ADAMTSL3: variants seen among roughly 807,000 people sequenced by gnomAD.
ADAMTSL3 encodes the protein ADAMTS-like protein 3.
A neutral mutation model predicts 201.7 loss-of-function variants in ADAMTSL3; 128 were observed. The observed-to-expected ratio is 0.63, with a 90% confidence interval of 0.55 to 0.73. ADAMTSL3 has a LOEUF of 0.73. Among genes scored for constraint, ADAMTSL3 ranks in the 30% least tolerant of loss-of-function variants. The pLI is 0.00. For synonymous variants in ADAMTSL3, 738 were observed against 748.4 expected, an observed-to-expected ratio of 0.99 and a Z score of 0.23; for missense variants, 1,990 against 2,119.6, an observed-to-expected ratio of 0.94 and a Z score of 1.20.
intron 3 of ADAMTSL3, among the ~76,000 whole-genome samples, chr15:83,765,687 A>T (rs2062877953): frequency 6.6e-6 from 1 of 152,230 alleles, no homozygotes; most frequent in Non-Finnish European, 1.5e-5. Flanking sequence ...TTATATAATG[A>T]GTAAACAATA....
In ADAMTSL3 at chr15:83,817,344, A is replaced by T. The variant is rs375159222; in HGVS notation, c.364-2467A>T. On this transcript the variant is annotated intron_variant, in intron 5 of 29. Transcript: ENST00000286744. ...AAAAGCTAGATTTCTAACTTAAACC[A>T]TTCATCTAAATAAATTCCAAATATA... Among the ~76,000 whole-genome samples the T allele has an allele frequency of 5.9e-5, 9 of 152,360 alleles. No individual in the cohort carries two copies. In the East Asian group the frequency reaches 9.6e-4, roughly 16 times the overall value.
At chr15:83,911,155 C>T (rs1567231046) in intron 15 of ADAMTSL3, among the ~76,000 whole-genome samples, 1 of 152,014 alleles carries the variant, frequency 6.6e-6, no homozygotes, top group Non-Finnish European at 1.5e-5. Flanking sequence ...AAGTAAAAAC[C>T]TCCCTCTTTA....
chr15:83,744,999 C>T (rs905899557), intron 3 of ADAMTSL3, among the ~76,000 whole-genome samples: 5 of 152,212 alleles, frequency 3.3e-5, no homozygotes, highest in Admixed American at 6.5e-5. Context: ...TTTTCCTCCT[C>T]GAATGTTTGC....
At chr15:83,877,545 T>G (rs555424352) in intron 9 of ADAMTSL3, among the ~76,000 whole-genome samples, 131 of 152,332 alleles carry the variant, frequency 8.6e-4, no homozygotes, top group African/African-American at 3.0e-3. Flanking sequence ...AATGTAAGTT[T>G]CAGCTTTGTT....
chr15:83,981,087 C>T (rs937710311), intron 20 of ADAMTSL3, among the ~76,000 whole-genome samples: 17 of 152,188 alleles, frequency 1.1e-4, no homozygotes, highest in Admixed American at 9.2e-4. Flanking sequence ...CTCACTAGTG[C>T]TTCCAAGCCA....
At chr15:83,854,695 G>T (rs2064694759) in intron 7 of ADAMTSL3, among the ~76,000 whole-genome samples, 1 of 152,176 alleles carries the variant, frequency 6.6e-6, no homozygotes, top group Non-Finnish European at 1.5e-5. Flanking sequence ...GTTGCAAACG[G>T]TTATTTTCTA....
In ADAMTSL3 at chr15:83,734,930, A is replaced by G. The variant is rs1423466199; in HGVS notation, c.189+30422A>G. ...AGATGGTCATCCAGCCTCTCTTTGA[A>G]CACCGACAGAAAGTAGGGAACCCGA... On this transcript the variant is annotated intron_variant, in intron 3 of 29. Transcript: ENST00000286744. Among the ~76,000 whole-genome samples, 3 of 152,086 alleles carry G rather than the reference A, an allele frequency of 2.0e-5. No individual in the cohort carries two copies. In the East Asian group the frequency reaches 5.8e-4, roughly 29 times the overall value.
At chr15:83,791,870 AG>A (rs1418847230) in intron 4 of ADAMTSL3, among the ~76,000 whole-genome samples, 2 of 151,880 alleles carry the variant, frequency 1.3e-5, no homozygotes, top group Non-Finnish European at 2.9e-5. Flanking sequence ...AAAAAAAAAA[AG>A]AAAAAGAAAA....
At chr15:83,902,179 A>G (rs1338897154) in intron 15 of ADAMTSL3, among the ~76,000 whole-genome samples, 3 of 152,148 alleles carry the variant, frequency 2.0e-5, no homozygotes, top group African/African-American at 7.2e-5. Flanking sequence ...CACCTACAAC[A>G]GCTTTCTAAT....
chr15:83,867,663 C>G (rs988584426), intron 8 of ADAMTSL3, among the ~76,000 whole-genome samples: 1 of 152,156 alleles, frequency 6.6e-6, no homozygotes, highest in Non-Finnish European at 1.5e-5. Flanking sequence ...AAATACAGCT[C>G]TACTGTACAT....
At chr15:83,909,609 G>C (rs112230844) in intron 15 of ADAMTSL3, among the ~76,000 whole-genome samples, 1 of 151,866 alleles carries the variant, frequency 6.6e-6, no homozygotes, top group South Asian at 2.1e-4. Context: ...CCATCAATGA[G>C]TGGTTTTTTT....
At chr15:83,952,580 A>G (rs945353138) in intron 19 of ADAMTSL3, among the ~76,000 whole-genome samples, 6 of 152,192 alleles carry the variant, frequency 3.9e-5, no homozygotes, top group African/African-American at 1.4e-4. Flanking sequence ...CTATATCTCT[A>G]TATGGCTTTG....
chr15:83,801,645 AATATAAAT>A (rs1347535135), intron 4 of ADAMTSL3, among the ~76,000 whole-genome samples: 14 of 43,896 alleles, frequency 3.2e-4, no homozygotes, highest in South Asian at 1.2e-3. Flanking sequence ...TAAATATATA[AATATAAAT>A]ATATATATAT....
chr15:83,726,740 T>A (rs1393485437), intron 3 of ADAMTSL3, among the ~76,000 whole-genome samples: 2 of 152,102 alleles, frequency 1.3e-5, no homozygotes, highest in African/African-American at 2.4e-5. Context: ...CTGGAATAAA[T>A]CCTACTAGGT....
At chr15:83,990,507 G>C (rs2067562933) in intron 22 of ADAMTSL3, among the ~76,000 whole-genome samples, 1 of 152,106 alleles carries the variant, frequency 6.6e-6, no homozygotes, top group African/African-American at 2.4e-5. Flanking sequence ...GTGGACACTT[G>C]GTAAATGTTT....
intron 26 of ADAMTSL3, among the ~76,000 whole-genome samples, chr15:84,023,328 A>C (rs576009500): frequency 6.6e-6 from 1 of 152,240 alleles, no homozygotes; most frequent in African/African-American, 2.4e-5. Context: ...CATTTTACTG[A>C]TGAGAAACTG....
At chr15:83,852,217 A>G (rs1228308574) in intron 7 of ADAMTSL3, among the ~76,000 whole-genome samples, 3 of 152,018 alleles carry the variant, frequency 2.0e-5, no homozygotes, top group Admixed American at 6.6e-5. Context: ...GGTTCAAGCA[A>G]TTCTCATGCC....
At chr15:83,840,982 G>A (rs1385247990) in intron 7 of ADAMTSL3, among the ~76,000 whole-genome samples, 2 of 152,138 alleles carry the variant, frequency 1.3e-5, no homozygotes, top group Non-Finnish European at 1.5e-5. Context: ...ACATTGAGAT[G>A]TTACATCCAC....
intron 15 of ADAMTSL3, among the ~76,000 whole-genome samples, chr15:83,908,581 C>G (rs2065880668): frequency 6.6e-6 from 1 of 152,202 alleles, no homozygotes; most frequent in African/African-American, 2.4e-5. Context: ...CTGTCTCTCT[C>G]TCAAAACTCT....
Sources: gnomAD v4.1 joint callset for allele counts (sites outside exome capture counted in the v4.1 genomes callset) on GRCh38, gnomAD v4.1.1 for gene constraint, MANE v1.5 for transcripts, NCBI Gene and HGNC (gene_info 2026-07-23, HGNC 2026-07-21) for gene names.